The following CBLN2 variants were observed in gnomAD, a reference collection of about 807,000 sequenced individuals.
The protein encoded by CBLN2 is cerebellin 2 precursor.
Under a neutral mutation model 15.0 loss-of-function variants are expected in CBLN2, and 7 were observed. The ratio of observed to expected loss-of-function variants is 0.47; its 90% CI spans 0.27 to 0.88. The LOEUF is 0.88. Among genes scored for constraint, CBLN2 ranks in the 40% least tolerant of loss-of-function variants. CBLN2 has a pLI of 0.14. For synonymous variants in CBLN2, 149 were observed against 135.2 expected, an observed-to-expected ratio of 1.10 and a Z score of -0.71; for missense variants, 242 against 304.5, an observed-to-expected ratio of 0.79 and a Z score of 1.53.
intron 1 of CBLN2, among the ~76,000 whole-genome samples, chr18:72,552,971 T>C (rs2069200591): frequency 6.6e-6 from 1 of 152,228 alleles, no homozygotes; most frequent in Non-Finnish European, 1.5e-5. Flanking sequence ...TGTGTCTCTG[T>C]ATTTTTAAAT....
intron 4 of CBLN2, 133 bp downstream of exon 4, chr18:72,538,520 G>A (rs970461283): frequency 2.8e-6 from 4 of 1,443,500 alleles, no homozygotes; most frequent in Non-Finnish European, 3.8e-6. Flanking sequence ...CTCCCAGCTA[G>A]TTCAGAGCCA....
At chr18:72,561,276 C>T (rs2069259803) in intron 1 of CBLN2, among the ~76,000 whole-genome samples, 1 of 144,946 alleles carries the variant, frequency 6.9e-6, no homozygotes, top group African/African-American at 2.5e-5. Flanking sequence ...TGACATTTAT[C>T]TCCATAAAAT....
upstream of CBLN2, among the ~76,000 whole-genome samples, chr18:72,545,678 A>C (rs1380185330): frequency 6.9e-6 from 1 of 145,834 alleles, no homozygotes; most frequent in Non-Finnish European, 1.6e-5. Flanking sequence ...GAACTGATTT[A>C]AGTGTAAGCA....
At chr18:72,555,395 T>A (rs373951841) in intron 1 of CBLN2, among the ~76,000 whole-genome samples, 36 of 152,058 alleles carry the variant, frequency 2.4e-4, no homozygotes, top group African/African-American at 7.7e-4. Flanking sequence ...TTCCTATTGA[T>A]GAAAATGAAA....
Position 72,565,169 on chromosome 18 carries a change from G to A in CBLN2, c.16-26397C>T, listed in dbSNP as rs1324742880. Reference sequence around the variant, plus strand: ...TTTAACTGAAAGAGAAAGGATGGTAGTTACTATCCTGAAAACATATGAAAG... The same window carrying A: ...TTTAACTGAAAGAGAAAGGATGGTAATTACTATCCTGAAAACATATGAAAG... On this transcript the variant is annotated intron_variant, in intron 1 of 2. Coordinates refer to the CBLN2 transcript ENST00000581073. 2.6e-5 allele frequency among the ~76,000 whole-genome samples: 4 copies of A among 152,236 alleles called. No individual in the cohort carries two copies. In the East Asian group the frequency reaches 7.7e-4, roughly 29 times the overall value.
At chr18:72,605,894 G>A (rs1213941440) in intron 1 of CBLN2, among the ~76,000 whole-genome samples, 1 of 152,154 alleles carries the variant, frequency 6.6e-6, no homozygotes, top group Non-Finnish European at 1.5e-5. Context: ...ATAATTTGTT[G>A]TACAACCAAA....
chr18:72,560,223 G>T (rs887650433), intron 1 of CBLN2, among the ~76,000 whole-genome samples: 2 of 152,196 alleles, frequency 1.3e-5, no homozygotes, highest in Non-Finnish European at 2.9e-5. Flanking sequence ...GGATGGCTGG[G>T]TTCCTTCTTG....
At chr18:72,609,890 C>T (rs1283770649) in intron 1 of CBLN2, among the ~76,000 whole-genome samples, 1 of 152,178 alleles carries the variant, frequency 6.6e-6, no homozygotes, top group East Asian at 1.9e-4. Flanking sequence ...GGCAGTTCTG[C>T]TTTGCTCACA....
intron 1 of CBLN2, among the ~76,000 whole-genome samples, chr18:72,605,391 A>G (rs1299260579): frequency 6.6e-6 from 1 of 152,214 alleles, no homozygotes; most frequent in Non-Finnish European, 1.5e-5. Flanking sequence ...AGTGCCAGGC[A>G]AGTTTAGAAA....
chr18:72,635,247 T>C (rs996778790), intron 1 of CBLN2, among the ~76,000 whole-genome samples: 1 of 152,170 alleles, frequency 6.6e-6, no homozygotes, highest in African/African-American at 2.4e-5. Context: ...AAAAGCAAGG[T>C]CTCTAACTTT....
intron 1 of CBLN2, among the ~76,000 whole-genome samples, chr18:72,570,282 GTT>G (rs34368162): frequency 0.59 from 78,280 of 133,688 alleles, 25,259 homozygotes; most frequent in East Asian, 0.75. Context: ...TTTCTTTCTG[GTT>G]TTTTTTTTTT....
chr18:72,551,680 C>T (rs1314905533), intron 1 of CBLN2, among the ~76,000 whole-genome samples: 1 of 152,152 alleles, frequency 6.6e-6, no homozygotes, highest in Non-Finnish European at 1.5e-5. Context: ...AAAAAGTACC[C>T]AGCATTAATA....
chr18:72,628,938 G>A (rs2069757916), intron 1 of CBLN2, among the ~76,000 whole-genome samples: 1 of 152,026 alleles, frequency 6.6e-6, no homozygotes, highest in Admixed American at 6.6e-5. Flanking sequence ...TTATTTGTTG[G>A]ATGGATATCT....
chr18:72,630,656 C>G (rs539501042), intron 1 of CBLN2, among the ~76,000 whole-genome samples: 1 of 151,142 alleles, frequency 6.6e-6, no homozygotes, highest in African/African-American at 2.4e-5. Flanking sequence ...GGACACTTAG[C>G]CTGTTGACAG....
intron 1 of CBLN2, among the ~76,000 whole-genome samples, chr18:72,581,190 G>A (rs2069401219): frequency 6.6e-6 from 1 of 152,154 alleles, no homozygotes; most frequent in South Asian, 2.1e-4. Flanking sequence ...CTTCACAGCA[G>A]TCTTGAATAA....
At chr18:72,610,970 C>T (rs1173006340) in intron 1 of CBLN2, among the ~76,000 whole-genome samples, 2 of 152,124 alleles carry the variant, frequency 1.3e-5, no homozygotes, top group Non-Finnish European at 2.9e-5. Flanking sequence ...TTAGCTTCCA[C>T]TTATAAGTGA....
At chr18:72,571,165 A>G (rs907487498) in intron 1 of CBLN2, among the ~76,000 whole-genome samples, 3 of 152,176 alleles carry the variant, frequency 2.0e-5, no homozygotes, top group African/African-American at 7.2e-5. Flanking sequence ...GTGAAGCATA[A>G]TTTCAAGGAT....
At chr18:72,566,654 G>C (rs1284995663) in intron 1 of CBLN2, among the ~76,000 whole-genome samples, 1 of 152,116 alleles carries the variant, frequency 6.6e-6, no homozygotes, top group South Asian at 2.1e-4. Flanking sequence ...GTGGAGGGTA[G>C]GAGCAAGGAC....
chr18:72,637,793 G>C (rs1383731328), intron 1 of CBLN2, among the ~76,000 whole-genome samples: 1 of 152,210 alleles, frequency 6.6e-6, no homozygotes, highest in Non-Finnish European at 1.5e-5. Context: ...GGGGAGAAAA[G>C]CAGTAAGCAG....
Sources: gnomAD v4.1 joint callset for allele counts (sites outside exome capture counted in the v4.1 genomes callset) on GRCh38, gnomAD v4.1.1 for gene constraint, MANE v1.5 for transcripts, NCBI Gene and HGNC (gene_info 2026-07-23, HGNC 2026-07-21) for gene names.